The following IMMT variants were observed in gnomAD, a reference collection of about 807,000 sequenced individuals.
IMMT encodes the protein inner membrane mitochondrial protein.
Under a neutral mutation model 92.7 loss-of-function variants are expected in IMMT, and 40 were observed. The ratio of observed to expected loss-of-function variants is 0.43; its 90% CI spans 0.34 to 0.56. The LOEUF is 0.56. Ranked by LOEUF, IMMT falls within the 20% of genes least tolerant of loss-of-function variation. IMMT has a pLI of 0.03. For missense variants in IMMT, 831 were observed against 912.1 expected, an observed-to-expected ratio of 0.91 and a Z score of 1.14; for synonymous variants, 322 against 336.1, an observed-to-expected ratio of 0.96 and a Z score of 0.46.
At chr2:86,167,022 T>C (rs894301100) in intron 6 of IMMT, among the ~76,000 whole-genome samples, 7 of 149,832 alleles carry the variant, frequency 4.7e-5, no homozygotes, top group Non-Finnish European at 1.0e-4. Flanking sequence ...CGCTTGAACC[T>C]GGGAGGTGGA....
chr2:86,183,432 C>A (rs1024577976), intron 1 of IMMT, among the ~76,000 whole-genome samples: 3 of 152,154 alleles, frequency 2.0e-5, no homozygotes, highest in African/African-American at 7.2e-5. Context: ...CATGAACAAC[C>A]ACGCCCAGCA....
At chr2:86,153,281 A>G (rs558545473) in intron 11 of IMMT, among the ~76,000 whole-genome samples, 2 of 148,008 alleles carry the variant, frequency 1.4e-5, no homozygotes, top group Admixed American at 7.0e-5. Context: ...AAATTCTCCA[A>G]AGTAATCAGT....
At chr2:86,190,448 A>T (rs1338826260) in intron 1 of IMMT, among the ~76,000 whole-genome samples, 1 of 152,190 alleles carries the variant, frequency 6.6e-6, no homozygotes, top group Non-Finnish European at 1.5e-5. Context: ...TATGTAAATG[A>T]CCACTTCCAG....
rs927748223 is a variant in IMMT, at chr2:86,179,569, A to G, written c.173T>C (p.Ile58Thr). Reference sequence around the variant, plus strand: ...TTTGGCATATAGGATAGTGCCACCAATACCTCCACCAACAAACAAAAGGCC... The same window carrying G: ...TTTGGCATATAGGATAGTGCCACCAGTACCTCCACCAACAAACAAAAGGCC... ...GAGLLFVGGGIGGTILYAKWD... is the reference protein window; with the variant it reads ...GAGLLFVGGGTGGTILYAKWD... Residue 58 changes from isoleucine (I) to threonine (T), a missense_variant, in exon 3 of 15, where the codon ATT becomes ACT. Transcript: ENST00000410111. 6.2e-7 allele frequency: 1 copy of G among 1,608,996 alleles called. No individual in the cohort carries two copies. The highest frequency in any genetic ancestry group is 2.2e-5 in the East Asian group (1 of 44,794).
At chr2:86,162,384 A>G (rs1676356323) in intron 7 of IMMT, among the ~76,000 whole-genome samples, 2 of 151,552 alleles carry the variant, frequency 1.3e-5, no homozygotes, top group African/African-American at 4.9e-5. Flanking sequence ...GTACAAACCA[A>G]AATCAGAGTT....
intron 1 of IMMT, among the ~76,000 whole-genome samples, chr2:86,187,639 A>G (rs1411450250): frequency 2.6e-5 from 4 of 152,160 alleles, no homozygotes; most frequent in African/African-American, 9.7e-5. Context: ...AGCCAGGCTC[A>G]GTCGCTCACG....
intron 6 of IMMT, among the ~76,000 whole-genome samples, chr2:86,168,406 T>C (rs920613334): frequency 1.3e-5 from 2 of 152,148 alleles, no homozygotes; most frequent in African/African-American, 4.8e-5. Context: ...GTGTATCACC[T>C]GAGGTCAGGA....
chr2:86,146,860 A>G (rs1675056908), intron 13 of IMMT, among the ~76,000 whole-genome samples: 1 of 152,170 alleles, frequency 6.6e-6, no homozygotes, highest in South Asian at 2.1e-4. Context: ...TCCCAGATTC[A>G]AACGATTCTC....
chr2:86,156,504 G>C (rs965255249), intron 10 of IMMT, among the ~76,000 whole-genome samples: 2 of 147,906 alleles, frequency 1.4e-5, no homozygotes, highest in African/African-American at 5.0e-5. Flanking sequence ...TGTGGCAGGA[G>C]AATCGCTTGA....
chr2:86,172,105 C>T (rs892166237), intron 4 of IMMT, among the ~76,000 whole-genome samples: 1 of 151,578 alleles, frequency 6.6e-6, no homozygotes, highest in Admixed American at 6.6e-5. Context: ...ACAGCTGGGA[C>T]TATACGTGTA....
At chr2:86,151,191 T>C (rs1383598311) in intron 12 of IMMT, 106 bp downstream of exon 12, 4 of 973,132 alleles carry the variant, frequency 4.1e-6, no homozygotes, top group Non-Finnish European at 6.2e-6. Flanking sequence ...GTGCCGCGAT[T>C]ACAGGCATGA....
chr2:86,192,931 A>C (rs181787903), intron 1 of IMMT: 1 of 154,274 alleles, frequency 6.5e-6, no homozygotes, highest in East Asian at 1.9e-4. Flanking sequence ...AGTCAGATCA[A>C]GGGCCCATGG....
chr2:86,172,325 T>G (rs1677152397), intron 4 of IMMT, among the ~76,000 whole-genome samples: 1 of 151,658 alleles, frequency 6.6e-6, no homozygotes, highest in East Asian at 2.0e-4. Flanking sequence ...TCTCTTCCCA[T>G]CCCACCCAGC....
chr2:86,182,671 T>A (rs775082215), intron 1 of IMMT, among the ~76,000 whole-genome samples: 65 of 152,140 alleles, frequency 4.3e-4, no homozygotes, highest in Non-Finnish European at 8.1e-4. Context: ...ATGGCAAAAC[T>A]CCATCTCTAC....
chr2:86,156,744 T>C (rs746147872), intron 10 of IMMT, among the ~76,000 whole-genome samples: 1 of 152,152 alleles, frequency 6.6e-6, no homozygotes, highest in Non-Finnish European at 1.5e-5. Context: ...TTAGGGTTGA[T>C]GCTCGTATCT....
chr2:86,155,416 AC>A (rs1212157950), intron 10 of IMMT, among the ~76,000 whole-genome samples: 6 of 152,144 alleles, frequency 3.9e-5, no homozygotes, highest in African/African-American at 1.4e-4. Context: ...CCTGGCTCTT[AC>A]CCCAACCTTG....
chr2:86,179,735 T>G, intron 2 of IMMT, 113 bp from the exon 3 acceptor site: 1 of 762,670 alleles, frequency 1.3e-6, no homozygotes, highest in South Asian at 2.3e-5. Context: ...CTACCACTAA[T>G]TCAGATCATA....
At chr2:86,164,557 G>C (rs1389492420) in intron 7 of IMMT, among the ~76,000 whole-genome samples, 1 of 151,904 alleles carries the variant, frequency 6.6e-6, no homozygotes, top group Non-Finnish European at 1.5e-5. Flanking sequence ...CAGGTGTGGT[G>C]GTGGGCACCT....
intron 1 of IMMT, among the ~76,000 whole-genome samples, chr2:86,192,593 G>A (rs1055787982): frequency 1.3e-5 from 2 of 151,974 alleles, no homozygotes; most frequent in African/African-American, 2.4e-5. Context: ...GTTCCATTGT[G>A]GAGCTTACTT....
Sources: allele counts gnomAD v4.1 joint callset (sites outside exome capture counted in the v4.1 genomes callset), GRCh38; gene constraint gnomAD v4.1.1; transcripts MANE v1.5; gene names NCBI Gene and HGNC (gene_info 2026-07-23, HGNC 2026-07-21).